The following INPP4A variants were observed in gnomAD, a reference collection of about 807,000 sequenced individuals.
INPP4A encodes the protein inositol polyphosphate-4-phosphatase, type I, 107kD.
In INPP4A, 33 loss-of-function variants were observed where a neutral mutation model predicts 119.8. The observed-to-expected ratio is 0.28, with a 90% CI of 0.21 to 0.37. The LOEUF (loss-of-function observed/expected upper bound fraction) is 0.37. Ranked by LOEUF, INPP4A falls within the 10% of genes least tolerant of loss-of-function variation. INPP4A has a pLI of 1.00. For synonymous variants in INPP4A, 496 were observed against 500.7 expected (o/e 0.99, Z 0.12); for missense variants, 956 against 1,289.9 (o/e 0.74, Z 3.97).
At position 98,475,930 on chromosome 2, in the gene INPP4A, A is replaced by AT. The variant is rs770305479; in HGVS notation, c.-166+30852dup. The stretch of plus-strand genomic sequence containing the variant: ...TTTTCCACAAATGCACTATCTTCTC[A>AT]TTTTTTTATCAAGGCTAATCTACAA... On this transcript the variant is annotated intron_variant, in intron 1 of 24. Transcript: ENST00000409851. Among the ~76,000 whole-genome samples, 40 of 152,266 alleles carry AT rather than the reference A, an allele frequency of 2.6e-4. No individual in the cohort carries two copies. In the Middle Eastern group the frequency reaches 0.014, roughly 52 times the overall value.
chr2:98,578,904 A>G lies in INPP4A; in HGVS notation c.2786+1761A>G, dbSNP rs368744659. On this transcript the variant is annotated intron_variant, in intron 24 of 24. Transcript: ENST00000409851. ...AGATAAGAGACATGCGTACATGCCT[A>G]TGGGCGTGAGTATGTACACATGGGC... Among the ~76,000 whole-genome samples the G allele has an allele frequency of 7.1e-4, 108 of 152,370 alleles. No homozygotes were observed. The East Asian group carries it at 7.7e-3, about 11-fold the overall frequency.
chr2:98,479,756 A>G (rs1678026303), intron 1 of INPP4A, among the ~76,000 whole-genome samples: 1 of 152,230 alleles, frequency 6.6e-6, no homozygotes, highest in African/African-American at 2.4e-5. Context: ...GTCCTTGAAG[A>G]AAACTGTCTC....
At chr2:98,470,393 C>T (rs570628254) in intron 1 of INPP4A, among the ~76,000 whole-genome samples, 19 of 152,348 alleles carry the variant, frequency 1.2e-4, no homozygotes, top group Admixed American at 9.8e-4. Context: ...ACTCACTTGG[C>T]GCTGCTTCTG....
chr2:98,507,477 G>A (rs971573123), intron 1 of INPP4A, among the ~76,000 whole-genome samples: 1 of 152,176 alleles, frequency 6.6e-6, no homozygotes, highest in Admixed American at 6.5e-5. Flanking sequence ...TGAAAGTTGT[G>A]ATGGATTGAA....
intron 1 of INPP4A, among the ~76,000 whole-genome samples, chr2:98,497,424 C>G (rs776184399): frequency 6.6e-6 from 1 of 152,204 alleles, no homozygotes; most frequent in Non-Finnish European, 1.5e-5. Context: ...TCCTCCAGAG[C>G]CCAGAATAGT....
intron 4 of INPP4A, among the ~76,000 whole-genome samples, chr2:98,528,020 G>A (rs4599165): frequency 0.24 from 36,920 of 151,980 alleles, 4,621 homozygotes; most frequent in Middle Eastern, 0.35. Context: ...ATACACAGAT[G>A]GAAAAAACCC....
Position 98,450,001 on chromosome 2 carries a change from G to A in INPP4A, c.-166+4916G>A, listed in dbSNP as rs372110794. ...ATCCTTTGTTCATTTTTTCTTGTTGGGCTGTTTTTCCTTATCTTACTAGAT... is the reference window on the plus strand; with the variant it reads ...ATCCTTTGTTCATTTTTTCTTGTTGAGCTGTTTTTCCTTATCTTACTAGAT... On this transcript the variant is annotated intron_variant, in intron 1 of 24. Transcript: ENST00000409851. Among the ~76,000 whole-genome samples the A allele has an allele frequency of 5.2e-4, 79 of 151,506 alleles. 1 individual carries two copies. The South Asian group carries it at 0.016, about 30-fold the overall frequency.
At chr2:98,514,466 C>G (rs1284948667) in intron 1 of INPP4A, among the ~76,000 whole-genome samples, 1 of 152,068 alleles carries the variant, frequency 6.6e-6, no homozygotes, top group African/African-American at 2.4e-5. Flanking sequence ...TAGGATTTGG[C>G]TGGTTGCCAG....
intron 24 of INPP4A, among the ~76,000 whole-genome samples, chr2:98,585,503 G>A (rs578001183): frequency 2.2e-4 from 33 of 152,204 alleles, no homozygotes; most frequent in Non-Finnish European, 3.5e-4. Context: ...TGCAGCCGAC[G>A]TGATCAGTGG....
chr2:98,529,775 G>A (rs1004941929), intron 4 of INPP4A, among the ~76,000 whole-genome samples: 2 of 152,054 alleles, frequency 1.3e-5, no homozygotes, highest in Non-Finnish European at 2.9e-5. Context: ...ACAGAATTGT[G>A]TACTTTAAGA....
chr2:98,483,740 C>G (rs975040490), intron 1 of INPP4A, among the ~76,000 whole-genome samples: 1 of 152,148 alleles, frequency 6.6e-6, no homozygotes, highest in Admixed American at 6.5e-5. Context: ...CTGTCCCTAC[C>G]CCACCTTCCT....
chr2:98,488,350 C>A (rs926870469), intron 1 of INPP4A, among the ~76,000 whole-genome samples: 4 of 152,164 alleles, frequency 2.6e-5, no homozygotes, highest in African/African-American at 9.7e-5. Context: ...GTGTACTCAG[C>A]TGAGCAAAAG....
At chr2:98,509,695 C>T (rs764025910) in intron 1 of INPP4A, among the ~76,000 whole-genome samples, 1 of 152,200 alleles carries the variant, frequency 6.6e-6, no homozygotes, top group Non-Finnish European at 1.5e-5. Flanking sequence ...CCAGACATTG[C>T]GCTTGTGATT....
rs962231880 is a variant in INPP4A at position 98,579,963 on chromosome 2, C to T, written c.2786+2820C>T. On this transcript the variant is annotated intron_variant, in intron 24 of 24. Transcript: ENST00000409851. The stretch of plus-strand genomic sequence containing the variant: ...TGGCTCACTGCCACCTTGAGCCAAC[C>T]CTTGCAGGTCTGAGGCTCTTGTCAC... Among the ~76,000 whole-genome samples, 9 of 152,274 alleles carry T rather than the reference C, an allele frequency of 5.9e-5. No homozygotes were observed. The South Asian group carries it at 1.0e-3, about 17-fold the overall frequency.
At chr2:98,537,667 A>G (rs1180185247) in intron 7 of INPP4A, among the ~76,000 whole-genome samples, 196 bp from the exon 8 acceptor site, 2 of 152,114 alleles carry the variant, frequency 1.3e-5, no homozygotes, top group East Asian at 3.9e-4. Context: ...ACAGCCCTCC[A>G]CTGTGCCCCA....
intron 22 of INPP4A, chr2:98,571,986 C>T (rs1697549778): frequency 6.6e-6 from 1 of 152,582 alleles, no homozygotes; most frequent in African/African-American, 2.4e-5. Context: ...GTAATTAGCA[C>T]AGGACCTGTG....
At chr2:98,448,435 A>T (rs1009730120) in intron 1 of INPP4A, among the ~76,000 whole-genome samples, 2 of 151,752 alleles carry the variant, frequency 1.3e-5, no homozygotes, top group East Asian at 3.8e-4. Context: ...GATTTTGTCA[A>T]TTGCTTCGAT....
At chr2:98,488,895 C>A (rs943040601) in intron 1 of INPP4A, among the ~76,000 whole-genome samples, 1 of 150,438 alleles carries the variant, frequency 6.6e-6, no homozygotes, top group Non-Finnish European at 1.5e-5. Context: ...CCTCACAATG[C>A]AACCTAAGGA....
intron 14 of INPP4A, among the ~76,000 whole-genome samples, chr2:98,553,838 C>T (rs775758541): frequency 6.6e-6 from 1 of 152,218 alleles, no homozygotes; most frequent in Non-Finnish European, 1.5e-5. Context: ...GAACCCAGAA[C>T]TTGAGGTATT....
Sources: gnomAD v4.1 joint callset for allele counts (sites outside exome capture counted in the v4.1 genomes callset) on GRCh38, gnomAD v4.1.1 for gene constraint, MANE v1.5 for transcripts, NCBI Gene and HGNC (gene_info 2026-07-23, HGNC 2026-07-21) for gene names.